EPHA5: variants seen among roughly 807,000 people sequenced by gnomAD.
The protein encoded by EPHA5 is ephrin type-A receptor 5.
A neutral mutation model predicts 105.0 loss-of-function variants in EPHA5; 60 were observed. The ratio of observed to expected loss-of-function variants is 0.57; its 90% CI spans 0.46 to 0.71. The LOEUF is 0.71. EPHA5 is among the 30% of genes least tolerant of loss of function. The pLI is 0.00. For missense variants in EPHA5, 1,218 were observed against 1,274.7 expected, an observed-to-expected ratio of 0.96 and a Z score of 0.68; for synonymous variants, 513 against 449.1, an observed-to-expected ratio of 1.14 and a Z score of -1.80.
intron 3 of EPHA5, among the ~76,000 whole-genome samples, chr4:65,530,783 G>A (rs1735691772): frequency 6.6e-6 from 1 of 152,088 alleles, no homozygotes; most frequent in South Asian, 2.1e-4. Flanking sequence ...GGTGAATACA[G>A]CCAGATGCCT....
intron 8 of EPHA5, among the ~76,000 whole-genome samples, chr4:65,375,062 A>G (rs947334120): frequency 3.3e-5 from 5 of 151,992 alleles, no homozygotes; most frequent in African/African-American, 4.8e-5. Flanking sequence ...ACTTCACAAA[A>G]TATAGCAATA....
Position 65,371,213 on chromosome 4 carries a change from C to T in EPHA5, c.1794-3789G>A, listed in dbSNP as rs529279533. Among the ~76,000 whole-genome samples, 5 of 152,138 alleles carry T rather than the reference C, an allele frequency of 3.3e-5. No homozygotes were observed. In the East Asian group the frequency reaches 9.7e-4, roughly 29 times the overall value. On this transcript the variant is annotated intron_variant, in intron 8 of 16. Coordinates refer to ENST00000613740, the MANE Select transcript of EPHA5 (RefSeq NM_001281766.3). ...TCTGTATTTAGAGGAATCACATCCT[C>T]TAATCATTTATACTCATGTCCTTTT... is the stretch of plus-strand genomic sequence containing the variant.
At chr4:65,655,894 G>T (rs750807075) in intron 1 of EPHA5, among the ~76,000 whole-genome samples, 3 of 152,034 alleles carry the variant, frequency 2.0e-5, no homozygotes, top group Non-Finnish European at 4.4e-5. Flanking sequence ...AAAGTTACAA[G>T]TCAGGATTAT....
At chr4:65,407,081 C>T (rs916627237) in intron 7 of EPHA5, among the ~76,000 whole-genome samples, 3 of 152,028 alleles carry the variant, frequency 2.0e-5, no homozygotes, top group African/African-American at 7.2e-5. Context: ...TAACTGTTCT[C>T]TCAGCCTTCT....
rs12649561 is a variant in EPHA5, at chr4:65,622,389, T to C, written c.247-20085A>G. On this transcript the variant is annotated intron_variant, in intron 2 of 16. Transcript: ENST00000613740. ...ATGACACTAGGTGAGTTCACCAAAG[T>C]ATGTTCAAGGCATAGGCAACATGGC... Among the ~76,000 whole-genome samples, 67 of 152,166 alleles carry C rather than the reference T, an allele frequency of 4.4e-4. 1 individual carries two copies. In the East Asian group the frequency reaches 0.013, roughly 29 times the overall value.
intron 2 of EPHA5, among the ~76,000 whole-genome samples, chr4:65,622,622 T>C (rs975416081): frequency 2.6e-5 from 4 of 152,064 alleles, no homozygotes; most frequent in Non-Finnish European, 5.9e-5. Context: ...TATATGCCAA[T>C]TTTTGGTATT....
intron 5 of EPHA5, among the ~76,000 whole-genome samples, chr4:65,468,828 T>A (rs966911943): frequency 6.6e-6 from 1 of 151,332 alleles, no homozygotes. Flanking sequence ...AAATACTGCA[T>A]GTGGGCAAGA....
chr4:65,321,903 T>C lies in EPHA5; in HGVS notation c.*2211A>G, dbSNP rs926167600. 5 of 225,740 alleles carry C rather than the reference T, an allele frequency of 2.2e-5. No homozygotes were observed. Among genetic ancestry groups the C allele is most frequent in the African/African-American group, 4.5e-5 (2 of 44,932 alleles). 14.0% of individuals were successfully genotyped at this position (225,740 alleles called of 1,614,324 possible). On this transcript the variant is annotated 3_prime_UTR_variant, in exon 17 of 17. Transcript: ENST00000613740. ...ATCAATAAGGCTTTCATTCTGAAGT[T>C]TCTCAGTTGTTACTTTATCACTTAG...
At chr4:65,546,155 A>T (rs752181328) in intron 3 of EPHA5, among the ~76,000 whole-genome samples, 1 of 151,972 alleles carries the variant, frequency 6.6e-6, no homozygotes, top group African/African-American at 2.4e-5. Flanking sequence ...AACTTACTGC[A>T]TTTTAAACTT....
chr4:65,323,676 CTT>C lies in EPHA5; in HGVS notation c.*436_*437del, dbSNP rs34246462. On this transcript the variant is annotated 3_prime_UTR_variant, in exon 17 of 17. Transcript: ENST00000613740. The stretch of plus-strand genomic sequence containing the variant: ...AATACACTTTTGTAGACAATTAAGA[CTT>C]GAAGTAAACTTCAGTAAACTGTAGC... 8.2e-3 allele frequency: 1,891 copies of C among 230,600 alleles called. 41 individuals carry two copies. The highest frequency in any genetic ancestry group is 0.039 in the African/African-American group (1,774 of 45,242). The allele number at this position is 230,600 out of a possible 1,614,324, so 14.3% of individuals were successfully genotyped here.
intron 3 of EPHA5, among the ~76,000 whole-genome samples, chr4:65,498,366 A>T (rs560257007): frequency 1.3e-5 from 2 of 152,070 alleles, no homozygotes; most frequent in African/African-American, 4.8e-5. Flanking sequence ...TTTAACTGAC[A>T]AATGAAAATT....
chr4:65,452,654 A>T (rs1282701245), intron 5 of EPHA5, among the ~76,000 whole-genome samples: 3 of 152,122 alleles, frequency 2.0e-5, no homozygotes, highest in African/African-American at 7.2e-5. Context: ...TAAATGTGTA[A>T]ACATTCACTT....
At chr4:65,385,126 A>G (rs1308106363) in intron 8 of EPHA5, among the ~76,000 whole-genome samples, 6 of 151,910 alleles carry the variant, frequency 3.9e-5, no homozygotes, top group Non-Finnish European at 1.5e-5. Flanking sequence ...GTCAGCTCAA[A>G]TAAATAACGT....
Position 65,420,516 on chromosome 4 carries a change from G to T in EPHA5, c.1452C>A (p.Ser484Arg), listed in dbSNP as rs1723844875. The T allele has an allele frequency of 3.7e-6, 6 of 1,613,050 alleles. No individual in the cohort carries two copies. The Middle Eastern group carries it at 8.3e-4, about 222-fold the overall frequency. ...NVKKGKIAKN[S>R]ISLSWQEPDR... ...CTGGTTCTTGCCAAGACAAAGAGAT[G>T]CTGTTTTTTGCAATTTTCCCTTTTT... The change falls in exon 6 of 17, where the codon AGC becomes AGA. Residue 484 changes from serine to arginine, a missense_variant. This residue lies in a region of EPHA5 where 971 missense variants were observed against 1,013.5 expected (regional missense o/e 0.96). Coordinates refer to ENST00000613740, the MANE Select transcript of EPHA5 (RefSeq NM_001281766.3).
chr4:65,492,565 C>T (rs1731517745), intron 4 of EPHA5, among the ~76,000 whole-genome samples: 1 of 151,064 alleles, frequency 6.6e-6, no homozygotes, highest in Non-Finnish European at 1.5e-5. Context: ...AAAAAAAATC[C>T]CCACCTTGAC....
At chr4:65,610,963 T>C (rs1211820396) in intron 2 of EPHA5, among the ~76,000 whole-genome samples, 1 of 152,196 alleles carries the variant, frequency 6.6e-6, no homozygotes, top group Admixed American at 6.5e-5. Context: ...TTTGATATCA[T>C]GTAACTGTAG....
At chr4:65,604,576 T>C (rs994424725) in intron 2 of EPHA5, among the ~76,000 whole-genome samples, 3 of 152,186 alleles carry the variant, frequency 2.0e-5, no homozygotes, top group Non-Finnish European at 4.4e-5. Context: ...ATCTCTAATA[T>C]CTGCTGTCAT....
chr4:65,649,813 T>C (rs1748438502), intron 1 of EPHA5, among the ~76,000 whole-genome samples: 1 of 152,186 alleles, frequency 6.6e-6, no homozygotes, highest in South Asian at 2.1e-4. Context: ...ATGATCACGA[T>C]AGACAAACAA....
chr4:65,628,010 T>C (rs964241138), intron 2 of EPHA5, among the ~76,000 whole-genome samples: 7 of 152,158 alleles, frequency 4.6e-5, no homozygotes, highest in Admixed American at 1.3e-4. Context: ...TAACTCAGTA[T>C]GGACTCAAGT....
Sources: allele counts gnomAD v4.1 joint callset (sites outside exome capture counted in the v4.1 genomes callset), GRCh38; gene constraint gnomAD v4.1.1; regional missense constraint gnomAD v4.1.1; transcripts MANE v1.5; gene names NCBI Gene and HGNC (gene_info 2026-07-23, HGNC 2026-07-21).